Variants in RTN1 observed in about 807,000 individuals in gnomAD.
RTN1 encodes reticulon-1.
RTN1 carries 25 observed loss-of-function variants against 65.5 expected under a neutral mutation model. That is an observed-to-expected ratio of 0.38 (90% CI 0.28 to 0.53). RTN1 has a LOEUF of 0.53. Ranked by LOEUF, RTN1 falls within the 20% of genes least tolerant of loss-of-function variation. RTN1 has a pLI of 0.79. For synonymous variants in RTN1, 471 were observed against 447.6 expected (o/e 1.05, Z -0.66); for missense variants, 983 against 1,025.4 (o/e 0.96, Z 0.57).
At chr14:59,788,530 C>T (rs1449894428) in intron 1 of RTN1, among the ~76,000 whole-genome samples, 1 of 151,734 alleles carries the variant, frequency 6.6e-6, no homozygotes, top group African/African-American at 2.4e-5. Context: ...CATGAAGTTC[C>T]TGTTCATATT....
chr14:59,787,833 CCCTT>C (rs1886278968), intron 1 of RTN1, among the ~76,000 whole-genome samples: 1 of 152,118 alleles, frequency 6.6e-6, no homozygotes, highest in Non-Finnish European at 1.5e-5. Flanking sequence ...TGGTTCCTCT[CCCTT>C]CCGAGTCCCC....
At chr14:59,693,813 T>C (rs369847207) in intron 3 of RTN1, among the ~76,000 whole-genome samples, 40 of 152,214 alleles carry the variant, frequency 2.6e-4, no homozygotes, top group Non-Finnish European at 1.0e-4. Flanking sequence ...CTTATCATGT[T>C]TGAGACAATG....
intron 1 of RTN1, among the ~76,000 whole-genome samples, chr14:59,858,507 T>C (rs1006300248): frequency 5.3e-5 from 8 of 151,686 alleles, no homozygotes; most frequent in Non-Finnish European, 1.2e-4. Context: ...AGATTTGCTA[T>C]GCATAAAACA....
chr14:59,636,747 G>A (rs568526230), intron 3 of RTN1, among the ~76,000 whole-genome samples: 50 of 152,104 alleles, frequency 3.3e-4, no homozygotes, highest in Non-Finnish European at 5.7e-4. Context: ...ATGATTTTTG[G>A]GGTTTCCAAG....
intron 1 of RTN1, among the ~76,000 whole-genome samples, chr14:59,765,105 G>C (rs1885825472): frequency 6.6e-6 from 1 of 151,578 alleles, no homozygotes; most frequent in Non-Finnish European, 1.5e-5. Flanking sequence ...GCTGTTCTTT[G>C]TGTTAAACTG....
At chr14:59,848,106 C>A (rs1337730607) in intron 1 of RTN1, among the ~76,000 whole-genome samples, 1 of 152,126 alleles carries the variant, frequency 6.6e-6, no homozygotes, top group Admixed American at 6.6e-5. Flanking sequence ...GTTGAAGAGA[C>A]CATAAAGTCT....
At chr14:59,764,862 C>T (rs973675074) in intron 1 of RTN1, among the ~76,000 whole-genome samples, 2 of 152,036 alleles carry the variant, frequency 1.3e-5, no homozygotes, top group Non-Finnish European at 2.9e-5. Context: ...TAAGGATCTA[C>T]CTTATATTTT....
intron 1 of RTN1, among the ~76,000 whole-genome samples, chr14:59,852,645 A>C (rs1328507169): frequency 1.3e-5 from 2 of 152,216 alleles, no homozygotes; most frequent in Non-Finnish European, 2.9e-5. Context: ...AGAGGCTGAG[A>C]TTAGCTACTG....
intron 1 of RTN1, among the ~76,000 whole-genome samples, chr14:59,786,904 C>A (rs1886260173): frequency 6.6e-6 from 1 of 151,932 alleles, no homozygotes. Context: ...ATGAGTAATA[C>A]CAAAAATACA....
chr14:59,621,266 T>C (rs1199164360), intron 3 of RTN1, among the ~76,000 whole-genome samples: 2 of 152,206 alleles, frequency 1.3e-5, no homozygotes, highest in African/African-American at 4.8e-5. Context: ...TGATCAGCTT[T>C]TCTCTTTTAA....
chr14:59,690,076 C>T (rs1009618042), intron 3 of RTN1, among the ~76,000 whole-genome samples: 6 of 151,952 alleles, frequency 3.9e-5, no homozygotes, highest in African/African-American at 1.2e-4. Flanking sequence ...CCTTGGCCTC[C>T]CAAAGTGCTG....
rs1432314486 is a variant in RTN1 at position 59,836,795 on chromosome 14, T to C, written c.241+33595A>G. On this transcript the variant is annotated intron_variant, in intron 1 of 8. Transcript: ENST00000267484. This position sits in a 1 kb window ranked among gnomAD's most constrained non-coding sequence, Gnocchi z 4.9. ...CGGGGTGACACATCGCAGGGGTGCT[T>C]AGACAAACCAATCCAAAAGGTTCTA... 6.6e-6 allele frequency among the ~76,000 whole-genome samples: 1 copy of C among 151,960 alleles called. No homozygotes were observed. Among genetic ancestry groups the C allele is most frequent in the East Asian group, 1.9e-4 (1 of 5,182 alleles).
chr14:59,785,976 T>C (rs1023114335), intron 1 of RTN1, among the ~76,000 whole-genome samples: 24 of 152,238 alleles, frequency 1.6e-4, no homozygotes, highest in Admixed American at 6.5e-4. Flanking sequence ...TTCCTTCTTC[T>C]TTCCAAGTCT....
At chr14:59,614,782 G>A (rs1296979164) in intron 3 of RTN1, among the ~76,000 whole-genome samples, 1 of 152,104 alleles carries the variant, frequency 6.6e-6, no homozygotes, top group Non-Finnish European at 1.5e-5. Context: ...TCTGTCCGAT[G>A]TCCTAGGCTC....
chr14:59,645,813 C>T (rs748409789), intron 3 of RTN1, among the ~76,000 whole-genome samples: 10 of 152,188 alleles, frequency 6.6e-5, no homozygotes, highest in South Asian at 2.1e-4. Context: ...CCTGCCTGAC[C>T]GCTTCAATCA....
intron 3 of RTN1, among the ~76,000 whole-genome samples, chr14:59,701,644 G>C (rs1217450978): frequency 2.0e-5 from 3 of 151,984 alleles, no homozygotes; most frequent in African/African-American, 7.2e-5. Flanking sequence ...CAAATCTATA[G>C]AAATAGAAAA....
intron 1 of RTN1, among the ~76,000 whole-genome samples, chr14:59,812,256 G>T (rs1475099653): frequency 1.3e-5 from 2 of 152,092 alleles, no homozygotes; most frequent in Non-Finnish European, 2.9e-5. Flanking sequence ...GGCATTTTAG[G>T]GGAAAATGAG....
chr14:59,643,708 G>A (rs1294006958), intron 3 of RTN1, among the ~76,000 whole-genome samples: 2 of 152,042 alleles, frequency 1.3e-5, no homozygotes, highest in African/African-American at 4.8e-5. Context: ...ATATACCATG[G>A]AAAAGATAGA....
At chr14:59,650,816 A>C (rs554126943) in intron 3 of RTN1, among the ~76,000 whole-genome samples, 3 of 152,348 alleles carry the variant, frequency 2.0e-5, no homozygotes, top group African/African-American at 7.2e-5. Context: ...AATATCATTA[A>C]AATGGCCATA....
Sources: allele counts gnomAD v4.1 joint callset (sites outside exome capture counted in the v4.1 genomes callset), GRCh38; gene constraint gnomAD v4.1.1; non-coding constraint Gnocchi (gnomAD v3.1); transcripts MANE v1.5; gene names NCBI Gene and HGNC (gene_info 2026-07-23, HGNC 2026-07-21).